FRMD1: variants seen among roughly 807,000 people sequenced by gnomAD.
The protein encoded by FRMD1 is FERM domain-containing protein 1.
Under a neutral mutation model 54.9 loss-of-function variants are expected in FRMD1, and 51 were observed. That is an observed-to-expected ratio of 0.93 (90% CI 0.74 to 1.17). The LOEUF (loss-of-function observed/expected upper bound fraction) is 1.17, where lower values mean the gene tolerates loss of function less well. Among genes scored for constraint, FRMD1 ranks in the 50% most tolerant of loss-of-function variants. The probability of loss-of-function intolerance (pLI) is 0.00; values close to 1 mark genes in which losing one functional copy is unlikely to be tolerated. For missense variants in FRMD1, 729 were observed against 743.0 expected (o/e 0.98, Z 0.22); for synonymous variants, 324 against 306.4 (o/e 1.06, Z -0.60).
At chr6:168,092,238 A>T (rs190204249) in intron 1 of FRMD1, among the ~76,000 whole-genome samples, 33 of 152,392 alleles carry the variant, frequency 2.2e-4, no homozygotes, top group Admixed American at 2.1e-3. Context: ...TCAGTGTCAC[A>T]GCAGCTCCTC....
upstream of FRMD1, chr6:168,081,805 C>T (rs1046095415): frequency 1.3e-5 from 5 of 386,222 alleles, no homozygotes; most frequent in East Asian, 1.2e-4. Flanking sequence ...TGCAGAGGGG[C>T]GAGGTGTCCT....
At chr6:168,082,559 G>A (rs1179566175), upstream of FRMD1, among the ~76,000 whole-genome samples, 1 of 152,208 alleles carries the variant, frequency 6.6e-6, no homozygotes, top group Non-Finnish European at 1.5e-5. Flanking sequence ...TCCCAGAAAA[G>A]AATGTTGGCC....
intron 1 of FRMD1, 58 bp downstream of exon 1, chr6:168,078,797 GCCCTGCTCACCCCCACGGCCACCCGGA>G: frequency 1.7e-6 from 2 of 1,165,358 alleles, no homozygotes; most frequent in Non-Finnish European, 2.3e-6. Context: ...GCCACCCAGG[GCCCTGCTCACCCCCACGGCCACCCGGA>G]GCCCTGCTCA....
At chr6:168,070,971 G>A (rs944391085) in intron 2 of FRMD1, among the ~76,000 whole-genome samples, 2 of 152,218 alleles carry the variant, frequency 1.3e-5, no homozygotes, top group Non-Finnish European at 2.9e-5. Flanking sequence ...CTCTCAGCTC[G>A]TGGCAGGCAG....
chr6:168,089,894 G>A (rs990744541), intron 1 of FRMD1, among the ~76,000 whole-genome samples: 1 of 152,202 alleles, frequency 6.6e-6, no homozygotes, highest in Non-Finnish European at 1.5e-5. Context: ...TCCCGCTGGC[G>A]CTGGTGGTGC....
intron 5 of FRMD1, 67 bp from the exon 6 acceptor site, chr6:168,063,823 T>C: frequency 6.7e-7 from 1 of 1,499,266 alleles, no homozygotes; most frequent in Non-Finnish European, 8.9e-7. Flanking sequence ...GCCAGCCCCC[T>C]GCTCCGAGAA....
chr6:168,085,080 C>T (rs2115029466), upstream of FRMD1, among the ~76,000 whole-genome samples: 1 of 152,350 alleles, frequency 6.6e-6, no homozygotes, highest in East Asian at 1.9e-4. Context: ...CCACTGAGCT[C>T]CACAGTCCCC....
intron 7 of FRMD1, 58 bp from the exon 8 acceptor site, chr6:168,062,039 G>A: frequency 6.6e-7 from 1 of 1,520,562 alleles, no homozygotes; most frequent in Admixed American, 2.0e-5. Context: ...CTAGCCACAG[G>A]AAAGGATGAT....
At chr6:168,080,579 A>T (rs1236198630), upstream of FRMD1, among the ~76,000 whole-genome samples, 1 of 152,150 alleles carries the variant, frequency 6.6e-6, no homozygotes, top group East Asian at 1.9e-4. Context: ...GTGCCGGCGT[A>T]TCAGGAAGGG....
In FRMD1 at chr6:168,079,142, C is replaced by G. The variant is rs1286735579; in HGVS notation, c.-48G>C. The G allele has an allele frequency of 6.5e-7, 1 of 1,531,514 alleles. No homozygotes were observed. Among genetic ancestry groups the G allele is most frequent in the Non-Finnish European group, 8.7e-7 (1 of 1,143,740 alleles). The allele number at this position is 1,531,514 out of a possible 1,614,324, so 94.9% of individuals were successfully genotyped here. Reference sequence around the variant, plus strand: ...CCGCCATGGGTCGCAGGTGGGTGCTCAGCACCTCCCAGATCACAGCTGTGC... The same window carrying G: ...CCGCCATGGGTCGCAGGTGGGTGCTGAGCACCTCCCAGATCACAGCTGTGC... On this transcript the variant is annotated 5_prime_UTR_variant, in exon 1 of 11. Transcript: ENST00000283309.
At chr6:168,089,707 C>A (rs1800982637) in intron 1 of FRMD1, among the ~76,000 whole-genome samples, 1 of 152,184 alleles carries the variant, frequency 6.6e-6, no homozygotes, top group Non-Finnish European at 1.5e-5. Flanking sequence ...GGCCGCCCAG[C>A]GGGGAGCGGA....
rs779760251 is a variant in FRMD1 at position 168,066,789 on chromosome 6, C to T, written c.427G>A (p.Val143Met). The change falls in exon 4 of 11, where the codon GTG (valine) becomes ATG (methionine). Residue 143 changes from valine (V) to methionine (M), a missense_variant. By Grantham distance (21) the Val-to-Met change is conservative. Coordinates refer to ENST00000283309, the MANE Select transcript of FRMD1 (RefSeq NM_024919.6). ...PRAPFVAFLRVQHYVENGRVI... is the reference protein window; with the variant it reads ...PRAPFVAFLRMQHYVENGRVI... The stretch of plus-strand genomic sequence containing the variant: ...CTTCCGTTTTCCACGTAGTGCTGCA[C>T]TCGGAGGAAGGCCACGAAGGGGGCT... The T allele has an allele frequency of 6.2e-7, 1 of 1,613,968 alleles. No individual in the cohort carries two copies. Among genetic ancestry groups the T allele is most frequent in the Non-Finnish European group, 8.5e-7 (1 of 1,180,026 alleles).
chr6:168,081,892 G>A (rs148046110), upstream of FRMD1: 2 of 204,926 alleles, frequency 9.8e-6, no homozygotes, highest in East Asian at 2.3e-4. Flanking sequence ...TCGCTTTAGA[G>A]GAATATATTT....
chr6:168,065,206 T>C, intron 4 of FRMD1, 149 bp from the exon 5 acceptor site: 1 of 1,416,990 alleles, frequency 7.1e-7, no homozygotes, highest in Non-Finnish European at 9.2e-7. Context: ...CACAGCTGTG[T>C]CCCTGCAGGG....
chr6:168,063,979 A>G (rs1280370808), intron 5 of FRMD1, among the ~76,000 whole-genome samples: 1 of 152,198 alleles, frequency 6.6e-6, no homozygotes, highest in East Asian at 1.9e-4. Context: ...GTCCTCCCCA[A>G]GGGGAATGGC....
chr6:168,066,926 A>T (rs1327161652), intron 3 of FRMD1, 95 bp from the exon 4 acceptor site: 1 of 1,492,432 alleles, frequency 6.7e-7, no homozygotes, highest in Admixed American at 1.9e-5. Flanking sequence ...ATTGCTTCAC[A>T]CTCAGCTTAA....
chr6:168,072,401 C>A (rs1461899650), intron 2 of FRMD1, among the ~76,000 whole-genome samples: 4 of 152,232 alleles, frequency 2.6e-5, no homozygotes, highest in Non-Finnish European at 5.9e-5. Context: ...GGTCGCCTTG[C>A]GAACCACGTC....
rs1013458316 is a variant in FRMD1, at chr6:168,065,957, C to T, written c.461+798G>A. The stretch of plus-strand genomic sequence containing the variant: ...ATCCTCCTGAGGGACGTCTTTGTTA[C>T]CCTAGAAGCTCTAAGGCAGCTCTGG... On this transcript the variant is annotated intron_variant, in intron 4 of 10. Coordinates refer to ENST00000283309, the MANE Select transcript of FRMD1 (RefSeq NM_024919.6). 16 of 1,000,236 alleles carry T rather than the reference C, an allele frequency of 1.6e-5. No individual in the cohort carries two copies. In the African/African-American group the frequency reaches 2.4e-4, roughly 15 times the overall value. 62.0% of individuals were successfully genotyped at this position (1,000,236 alleles called of 1,614,324 possible).
At chr6:168,075,450 C>A in intron 1 of FRMD1, 115 bp from the exon 2 acceptor site, 2 of 794,426 alleles carry the variant, frequency 2.5e-6, no homozygotes, top group East Asian at 2.6e-5. Flanking sequence ...CAGGCATCCC[C>A]TGCAGGTAAC....
Sources: allele counts gnomAD v4.1 joint callset (sites outside exome capture counted in the v4.1 genomes callset), GRCh38; gene constraint gnomAD v4.1.1; transcripts MANE v1.5; gene names NCBI Gene and HGNC (gene_info 2026-07-23, HGNC 2026-07-21).